The following TRAF6 variants were observed in gnomAD, a reference collection of about 807,000 sequenced individuals.
TRAF6 encodes TNF receptor associated factor 6, also known as TNF receptor-associated factor 6.
TRAF6 carries 10 observed loss-of-function variants against 48.4 expected under a neutral mutation model. The ratio of observed to expected loss-of-function variants is 0.21; its 90% confidence interval spans 0.13 to 0.35. The LOEUF (loss-of-function observed/expected upper bound fraction) is 0.35. TRAF6 is among the 10% of genes least tolerant of loss of function. The probability of loss-of-function intolerance (pLI) is 1.00; values close to 1 mark genes in which losing one functional copy is unlikely to be tolerated. For synonymous variants in TRAF6, 186 were observed against 219.6 expected, an observed-to-expected ratio of 0.85 and a Z score of 1.35; for missense variants, 397 against 661.0, an observed-to-expected ratio of 0.60 and a Z score of 4.38.
rs184239634 is a variant in TRAF6, at chr11:36,485,341, G to A, written c.*4497C>T. 2.0e-5 allele frequency among the ~76,000 whole-genome samples: 3 copies of A among 152,198 alleles called. No homozygotes were observed. The highest frequency in any genetic ancestry group is 4.4e-5 in the Non-Finnish European group (3 of 67,992). ...TATTTGAGTGTGTGCAACGTGCCAG[G>A]CACTGTGGTAAGAAGAGGGGATTCA... On this transcript the variant is annotated 3_prime_UTR_variant, in exon 7 of 7. Transcript: ENST00000526995.
intron 1 of TRAF6, among the ~76,000 whole-genome samples, chr11:36,504,471 G>A (rs543654594): frequency 6.6e-6 from 1 of 152,304 alleles, no homozygotes; most frequent in East Asian, 1.9e-4. Context: ...CCATGAGACT[G>A]CAGAAATTCA....
At chr11:36,494,700 T>G (rs1181103639) in intron 5 of TRAF6, among the ~76,000 whole-genome samples, 1 of 151,968 alleles carries the variant, frequency 6.6e-6, no homozygotes, top group Non-Finnish European at 1.5e-5. Flanking sequence ...ATTTTTATCT[T>G]AAAATTGGTT....
Position 36,489,891 on chromosome 11 carries a change from C to A in TRAF6, c.1516G>T (p.Gly506Cys). 1 of 1,614,160 alleles carries A rather than the reference C, an allele frequency of 6.2e-7. No homozygotes were observed. Among genetic ancestry groups the A allele is most frequent in the African/African-American group, 1.3e-5 (1 of 75,042 alleles). Reference sequence around the variant, plus strand: ...TGAAAACCCTCCCTCCGAAGGCTACCCATGTCAAAGCGGGTGGAGACCTCA... The same window carrying A: ...TGAAAACCCTCCCTCCGAAGGCTACACATGTCAAAGCGGGTGGAGACCTCA... ...RCEVSTRFDM[G>C]SLRREGFQPR... The change falls in exon 7 of 7, where the codon GGT (glycine) becomes TGT (cysteine). Residue 506 changes from glycine to cysteine, a missense_variant. This residue lies in a region of TRAF6 where 74 missense variants were observed against 198.9 expected (regional missense o/e 0.37). Coordinates refer to ENST00000526995, the MANE Select transcript of TRAF6 (RefSeq NM_004620.4).
chr11:36,498,612 T>G lies in TRAF6; in HGVS notation c.325A>C (p.Asn109His). ...RDAGHKCPVD[N>H]EILLENQLFP... Reference sequence around the variant, plus strand: ...AGTTGATTTTCCAGCAGTATTTCATTGTCAACTGGACATTTGTGACCTGCA... The same window carrying G: ...AGTTGATTTTCCAGCAGTATTTCATGGTCAACTGGACATTTGTGACCTGCA... The change falls in exon 3 of 7, where the codon AAT (asparagine) becomes CAT (histidine). Residue 109 changes from asparagine to histidine, a missense_variant. This residue lies in a region of TRAF6 where 245 missense variants were observed against 349.1 expected (regional missense o/e 0.70). Transcript: ENST00000526995. The G allele has an allele frequency of 2.2e-5, 35 of 1,613,152 alleles. No homozygotes were observed. The highest frequency in any genetic ancestry group is 3.0e-5 in the Non-Finnish European group (35 of 1,179,742).
rs772383530 is a variant in TRAF6, at chr11:36,491,132, C to T, written c.757-482G>A. 4.9e-5 allele frequency among the ~76,000 whole-genome samples: 7 copies of T among 141,720 alleles called. 1 individual carries two copies. Among genetic ancestry groups the T allele is most frequent in the Non-Finnish European group, 7.5e-5 (5 of 66,388 alleles). The allele number at this position is 141,720 out of a possible 152,430, so 93.0% of individuals were successfully genotyped here. On this transcript the variant is annotated intron_variant, in intron 6 of 6. Coordinates refer to ENST00000526995, the MANE Select transcript of TRAF6 (RefSeq NM_004620.4). The stretch of plus-strand genomic sequence containing the variant: ...ACCTCTCTGAAGAGCTTTTGTCTCT[C>T]TCTAGTTAATATTAATACCATTTTT...
chr11:36,491,835 C>A (rs1859567790), intron 6 of TRAF6, among the ~76,000 whole-genome samples: 1 of 152,210 alleles, frequency 6.6e-6, no homozygotes, highest in Non-Finnish European at 1.5e-5. Flanking sequence ...GGGCTTAAGA[C>A]AGCACATAAT....
chr11:36,499,320 C>T (rs1353540773), intron 2 of TRAF6, among the ~76,000 whole-genome samples: 1 of 152,054 alleles, frequency 6.6e-6, no homozygotes, highest in African/African-American at 2.4e-5. Flanking sequence ...CACTTTGATT[C>T]CTTGAGTGAA....
rs774832063 is a variant in TRAF6 at position 36,489,840 on chromosome 11, A to G, written c.1567T>C (p.Ter523GlnextTer23). Residue 523 changes from the stop codon to glutamine, a stop_lost, in exon 7 of 7, where the codon TAG becomes CAG. Transcript: ENST00000526995. ...FQPRSTDAGV[*>Q] ...GTTTTTGAGCAAGTGAGGGCAAGCT[A>G]TACCCCTGCATCAGTACTTCGTGGC... 6.2e-7 allele frequency: 1 copy of G among 1,612,038 alleles called. No individual in the cohort carries two copies.
chr11:36,509,296 C>T (rs922772377), intron 1 of TRAF6, among the ~76,000 whole-genome samples: 2 of 152,210 alleles, frequency 1.3e-5, no homozygotes, highest in Non-Finnish European at 2.9e-5. Context: ...ACATTCAAGA[C>T]AGTCCTAACT....
chr11:36,501,427 A>G lies in TRAF6; in HGVS notation c.89T>C (p.Val30Ala), dbSNP rs1379813834. ...TCCACCCACACTATCATCTTTTGTT[A>G]CAGCGCTACAGGAGCTGGCCATGGC... Reference protein sequence around the residue: ...CVAMASSCSAVTKDDSVGGTA... With the variant: ...CVAMASSCSAATKDDSVGGTA... The change falls in exon 2 of 7, where the codon GTA becomes GCA. Residue 30 changes from valine to alanine, a missense_variant. Val to Ala is a moderately conservative substitution (Grantham distance 64, BLOSUM62 0). Transcript: ENST00000526995. 6.2e-7 allele frequency: 1 copy of G among 1,614,134 alleles called. No individual in the cohort carries two copies. The highest frequency in any genetic ancestry group is 1.1e-5 in the South Asian group (1 of 91,080).
intron 1 of TRAF6, among the ~76,000 whole-genome samples, chr11:36,504,453 G>A (rs1042098021): frequency 3.3e-5 from 5 of 152,258 alleles, no homozygotes; most frequent in Non-Finnish European, 7.4e-5. Flanking sequence ...ATCTGTTCAA[G>A]TTTTTTACCA....
chr11:36,490,420 C>A lies in TRAF6; in HGVS notation c.987G>T (p.Glu329Asp). ...CAAGGGTTCGAATGGTTCGTTTGAG[C>A]TCACTTACATACATACTCTGAGTTT... ...KMETQSMYVS[E>D]LKRTIRTLED... Residue 329 changes from glutamate to aspartate, a missense_variant, in exon 7 of 7, where the codon GAG becomes GAT. Around this residue, in one of 4 missense-constraint regions of TRAF6, gnomAD observed 245 missense variants for 349.1 expected, o/e 0.70. Transcript: ENST00000526995. The surrounding 1 kb of genome is among the most constrained non-coding windows in gnomAD (Gnocchi z 6.4). The A allele has an allele frequency of 6.2e-7, 1 of 1,614,044 alleles. No individual in the cohort carries two copies. The highest frequency in any genetic ancestry group is 8.5e-7 in the Non-Finnish European group (1 of 1,180,048).
intron 5 of TRAF6, 45 bp from the exon 6 acceptor site, chr11:36,492,673 A>G (rs1859579815): frequency 7.0e-7 from 1 of 1,436,352 alleles, no homozygotes; most frequent in African/African-American, 1.4e-5. Flanking sequence ...CTTGCATATC[A>G]TTTTCTAGTT....
intron 4 of TRAF6, among the ~76,000 whole-genome samples, chr11:36,495,899 A>T (rs993139441): frequency 2.6e-5 from 4 of 152,156 alleles, no homozygotes; most frequent in Non-Finnish European, 5.9e-5. Flanking sequence ...TCTCCAAAAA[A>T]ATAAAGAAAA....
chr11:36,493,799 A>G (rs1859593894), intron 5 of TRAF6, among the ~76,000 whole-genome samples: 1 of 152,240 alleles, frequency 6.6e-6, no homozygotes, highest in Non-Finnish European at 1.5e-5. Flanking sequence ...CTTCATAAGC[A>G]AAAGATGTTT....
chr11:36,487,814 A>G lies in TRAF6; in HGVS notation c.*2024T>C, dbSNP rs953314473. 2 of 152,150 alleles carry G rather than the reference A, an allele frequency of 1.3e-5. No individual in the cohort carries two copies. The highest frequency in any genetic ancestry group is 2.4e-5 in the African/African-American group (1 of 41,394). The allele number at this position is 152,150 out of a possible 1,614,324, so 9.4% of individuals were successfully genotyped here. The stretch of plus-strand genomic sequence containing the variant: ...TATCTAATGCACAGCCAGTGCTTTT[A>G]ATAGAAATCTGACCAGGAAGCTTTT... On this transcript the variant is annotated 3_prime_UTR_variant, in exon 7 of 7. Coordinates refer to ENST00000526995, the MANE Select transcript of TRAF6 (RefSeq NM_004620.4).
At chr11:36,494,174 A>G (rs1394294085) in intron 5 of TRAF6, among the ~76,000 whole-genome samples, 1 of 152,094 alleles carries the variant, frequency 6.6e-6, no homozygotes, top group African/African-American at 2.4e-5. Context: ...AGACCAGTCT[A>G]GGCAATATAA....
intron 2 of TRAF6, 71 bp downstream of exon 2, chr11:36,501,149 A>G: frequency 3.6e-6 from 5 of 1,406,012 alleles, no homozygotes; most frequent in Non-Finnish European, 4.7e-6. Context: ...GGGATGTTCC[A>G]TGTTCTATGT....
chr11:36,494,805 C>T (rs1349390546), intron 5 of TRAF6, among the ~76,000 whole-genome samples, 171 bp downstream of exon 5: 1 of 151,468 alleles, frequency 6.6e-6, no homozygotes, highest in Non-Finnish European at 1.5e-5. Context: ...GTTTTGTTCT[C>T]CCTGAAAGTA....
Sources: gnomAD v4.1 joint callset for allele counts (sites outside exome capture counted in the v4.1 genomes callset) on GRCh38, gnomAD v4.1.1 for gene constraint, gnomAD v4.1.1 regional missense constraint, Gnocchi (gnomAD v3.1) non-coding constraint, MANE v1.5 for transcripts, NCBI Gene and HGNC (gene_info 2026-07-23, HGNC 2026-07-21) for gene names.